OSBP2: variants seen among roughly 807,000 people sequenced by gnomAD.
The protein encoded by OSBP2 is oxysterol binding protein 2.
In OSBP2, 66 loss-of-function variants were observed where a neutral mutation model predicts 96.0. The observed-to-expected ratio is 0.69, with a 90% confidence interval of 0.56 to 0.84. OSBP2 has a LOEUF of 0.84. Among genes scored for constraint, OSBP2 ranks in the 40% least tolerant of loss-of-function variants. The pLI is 0.00. For missense variants in OSBP2, 1,038 were observed against 1,222.7 expected (o/e 0.85, Z 2.25); for synonymous variants, 525 against 520.9 (o/e 1.01, Z -0.11).
chr22:30,796,612 T>C (rs1602276020), intron 2 of OSBP2, among the ~76,000 whole-genome samples: 1 of 152,054 alleles, frequency 6.6e-6, no homozygotes, highest in Admixed American at 6.6e-5. Context: ...TTCAAGAGAT[T>C]TTCATGTCTC....
Position 30,906,501 on chromosome 22 carries a change from C to A in OSBP2, c.*162C>A. On this transcript the variant is annotated 3_prime_UTR_variant, in exon 14 of 14. Transcript: ENST00000332585. ...TCCCCACACTTTCTTGGGACTCCCACCTTGGAAGGAGGAAGGGCTGACCTG... is the reference window on the plus strand; with the variant it reads ...TCCCCACACTTTCTTGGGACTCCCAACTTGGAAGGAGGAAGGGCTGACCTG... 1 of 873,392 alleles carries A rather than the reference C, an allele frequency of 1.1e-6. No homozygotes were observed. Among genetic ancestry groups the A allele is most frequent in the Non-Finnish European group, 1.6e-6 (1 of 614,216 alleles). 54.1% of individuals were successfully genotyped at this position (873,392 alleles called of 1,614,324 possible).
At chr22:30,739,227 TTA>T (rs1344301146) in intron 1 of OSBP2, among the ~76,000 whole-genome samples, 3 of 152,224 alleles carry the variant, frequency 2.0e-5, no homozygotes, top group Non-Finnish European at 2.9e-5. Flanking sequence ...CTCCATCATC[TTA>T]TAAGTCCGTT....
intron 2 of OSBP2, among the ~76,000 whole-genome samples, chr22:30,794,933 CAG>C (rs1281122534): frequency 1.4e-5 from 2 of 140,964 alleles, no homozygotes; most frequent in East Asian, 2.0e-4. Context: ...TTTTTTGAGA[CAG>C]AGTCTCGCTC....
chr22:30,744,797 C>A lies in OSBP2; in HGVS notation c.853+3428C>A, dbSNP rs1235612525. On this transcript the variant is annotated intron_variant, in intron 2 of 13. Coordinates refer to ENST00000332585, the MANE Select transcript of OSBP2 (RefSeq NM_030758.4). ...ACAAACAAACAAACAAATAAATCAA[C>A]TCTTAGGTGCTATAAACCAACTAGA... is the stretch of plus-strand genomic sequence containing the variant. Among the ~76,000 whole-genome samples the A allele has an allele frequency of 1.1e-4, 16 of 152,030 alleles. No individual in the cohort carries two copies. The East Asian group carries it at 2.9e-3, about 28-fold the overall frequency.
At chr22:30,772,793 A>ATT (rs136323) in intron 2 of OSBP2, among the ~76,000 whole-genome samples, 2 of 139,362 alleles carry the variant, frequency 1.4e-5, no homozygotes, top group Non-Finnish European at 1.6e-5. Flanking sequence ...TGTTAAACGC[A>ATT]TTTTTTTTTT....
At chr22:30,843,458 T>C (rs2038801236) in intron 2 of OSBP2, among the ~76,000 whole-genome samples, 1 of 139,976 alleles carries the variant, frequency 7.1e-6, no homozygotes, top group African/African-American at 2.8e-5. Context: ...CCCTCCCCCT[T>C]GAGCAATAGG....
At chr22:30,816,608 G>A (rs1293199244) in intron 2 of OSBP2, among the ~76,000 whole-genome samples, 2 of 152,242 alleles carry the variant, frequency 1.3e-5, no homozygotes, top group Non-Finnish European at 2.9e-5. Flanking sequence ...TCAGCTCCCA[G>A]AGAGGCGGCC....
chr22:30,813,160 G>A (rs555490504), intron 2 of OSBP2, among the ~76,000 whole-genome samples: 2 of 146,682 alleles, frequency 1.4e-5, no homozygotes, highest in South Asian at 4.3e-4. Context: ...GGAGGCTTAC[G>A]ATGTTGCATT....
At chr22:30,847,678 A>G (rs2038897739) in intron 2 of OSBP2, among the ~76,000 whole-genome samples, 1 of 151,676 alleles carries the variant, frequency 6.6e-6, no homozygotes, top group Non-Finnish European at 1.5e-5. Context: ...TCATTAATAG[A>G]CTCCTCAGGT....
rs1288122333 is a variant in OSBP2 at position 30,740,774 on chromosome 22, G to GC, written c.645-383dup. ...TTACAGGTGTGAGCCACCGCGCCTG[G>GC]CCCCAACTCCATGGTTCTAAGACTT... On this transcript the variant is annotated intron_variant, in intron 1 of 13. Coordinates refer to ENST00000332585, the MANE Select transcript of OSBP2 (RefSeq NM_030758.4). Among the ~76,000 whole-genome samples the GC allele has an allele frequency of 3.3e-5, 5 of 152,246 alleles. No individual in the cohort carries two copies. In the East Asian group the frequency reaches 9.7e-4, roughly 29 times the overall value.
chr22:30,783,714 C>T lies in OSBP2; in HGVS notation c.853+42345C>T, dbSNP rs1464979437. ...CTGCCTGGTCATGTAAAAGCTTTGC[C>T]GTTGGGAATGCTGGCATAAGAACGC... is the stretch of plus-strand genomic sequence containing the variant. On this transcript the variant is annotated intron_variant, in intron 2 of 13. Coordinates refer to ENST00000332585, the MANE Select transcript of OSBP2 (RefSeq NM_030758.4). 2.0e-5 allele frequency among the ~76,000 whole-genome samples: 3 copies of T among 152,228 alleles called. No individual in the cohort carries two copies. In the East Asian group the frequency reaches 5.8e-4, roughly 29 times the overall value.
chr22:30,876,652 G>A (rs1197794342), intron 3 of OSBP2, among the ~76,000 whole-genome samples: 1 of 152,194 alleles, frequency 6.6e-6, no homozygotes, highest in East Asian at 1.9e-4. Context: ...CAGCTCCTAA[G>A]GACTGGGCTA....
chr22:30,898,885 AAT>A (rs1467456895), intron 12 of OSBP2, among the ~76,000 whole-genome samples: 10 of 150,762 alleles, frequency 6.6e-5, no homozygotes, highest in Admixed American at 2.0e-4. Context: ...TAATAATAAT[AAT>A]AAAAGCAGAA....
chr22:30,843,451 TCC>T (rs932329066), intron 2 of OSBP2, among the ~76,000 whole-genome samples: 2 of 112,340 alleles, frequency 1.8e-5, no homozygotes, highest in African/African-American at 6.0e-5. Context: ...CTTTCCCCCC[TCC>T]CCCTTGAGCA....
In OSBP2 at chr22:30,888,466, C is replaced by T. The variant is rs1395535101; in HGVS notation, c.1418+126C>T. 1.0e-5 allele frequency: 7 copies of T among 689,756 alleles called. No individual in the cohort carries two copies. In the East Asian group the frequency reaches 1.8e-4, roughly 17 times the overall value. 42.7% of individuals were successfully genotyped at this position (689,756 alleles called of 1,614,324 possible). ...CTTTAAATCTTGCTTTGGCCAGGCC[C>T]AGTGGCTCCCAGCACTTTGGGAGGC... On this transcript the variant is annotated intron_variant, in intron 5 of 13. Transcript: ENST00000332585.
In OSBP2 at chr22:30,795,279, C is replaced by T. The variant is rs2090741212; in HGVS notation, c.853+53910C>T. Among the ~76,000 whole-genome samples, 3 of 152,046 alleles carry T rather than the reference C, an allele frequency of 2.0e-5. 1 individual carries two copies. The highest frequency in any genetic ancestry group is 2.0e-4 in the Admixed American group (3 of 15,236). ...GTATAGGTAAGATTTTGTTTTGTTT[C>T]TCCTTTTTGGGTCTCATTGAGCTTC... On this transcript the variant is annotated intron_variant, in intron 2 of 13. Transcript: ENST00000332585.
At chr22:30,813,266 C>T (rs963737890) in intron 2 of OSBP2, among the ~76,000 whole-genome samples, 18 of 146,040 alleles carry the variant, frequency 1.2e-4, no homozygotes, top group Admixed American at 1.2e-3. Flanking sequence ...TGCAACCTCT[C>T]GGATTCAAGT....
At chr22:30,724,102 G>A (rs1602173126) in intron 1 of OSBP2, among the ~76,000 whole-genome samples, 1 of 152,038 alleles carries the variant, frequency 6.6e-6, no homozygotes, top group Non-Finnish European at 1.5e-5. Flanking sequence ...CATTAGTTTT[G>A]CCTTTTCCAG....
intron 1 of OSBP2, among the ~76,000 whole-genome samples, chr22:30,708,703 G>A (rs911344718): frequency 6.6e-6 from 1 of 151,042 alleles, no homozygotes; most frequent in African/African-American, 2.4e-5. Context: ...GGCCAGGCTG[G>A]TCTGGAACTC....
Sources: gnomAD v4.1 joint callset for allele counts (sites outside exome capture counted in the v4.1 genomes callset) on GRCh38, gnomAD v4.1.1 for gene constraint, MANE v1.5 for transcripts, NCBI Gene and HGNC (gene_info 2026-07-23, HGNC 2026-07-21) for gene names.